STK3: variants seen among roughly 807,000 people sequenced by gnomAD.
The protein encoded by STK3 is serine/threonine-protein kinase 3.
STK3 carries 41 observed loss-of-function variants against 58.0 expected under a neutral mutation model. The ratio of observed to expected loss-of-function variants is 0.71; its 90% confidence interval spans 0.55 to 0.92. STK3 has a LOEUF of 0.92. Ranked by LOEUF, STK3 falls within the 40% of genes least tolerant of loss-of-function variation. The pLI is 0.00. For synonymous variants in STK3, 170 were observed against 191.0 expected (o/e 0.89, Z 0.91); for missense variants, 479 against 602.7 (o/e 0.79, Z 2.15).
chr8:98,614,569 T>A (rs1817500774), intron 6 of STK3, among the ~76,000 whole-genome samples: 2 of 151,252 alleles, frequency 1.3e-5, no homozygotes, highest in African/African-American at 4.9e-5. Context: ...CACTAGGGAG[T>A]GCCAGACAGT....
intron 8 of STK3, among the ~76,000 whole-genome samples, chr8:98,560,836 C>A (rs377639141): frequency 6.6e-6 from 1 of 151,914 alleles, no homozygotes; most frequent in Admixed American, 6.6e-5. Flanking sequence ...AGTTTGAGAC[C>A]GGCCTGGGCA....
intron 4 of STK3, among the ~76,000 whole-genome samples, chr8:98,745,954 A>G (rs1021013783): frequency 6.6e-6 from 1 of 152,250 alleles, no homozygotes; most frequent in African/African-American, 2.4e-5. Flanking sequence ...GTTACCGTAC[A>G]GAATGCTGTA....
At chr8:98,409,541 C>T (rs1007010491) in intron 3 of STK3, among the ~76,000 whole-genome samples, 10 of 152,248 alleles carry the variant, frequency 6.6e-5, no homozygotes. Context: ...GCTCAGAGTT[C>T]CACAGATGGG....
intron 1 of STK3, among the ~76,000 whole-genome samples, chr8:98,911,681 A>C (rs1412173042): frequency 6.6e-6 from 1 of 152,100 alleles, no homozygotes; most frequent in East Asian, 1.9e-4. Flanking sequence ...ATGAGCCACC[A>C]TGTCCACCCC....
intron 6 of STK3, among the ~76,000 whole-genome samples, chr8:98,648,635 G>A (rs919228509): frequency 3.3e-5 from 5 of 152,162 alleles, no homozygotes; most frequent in Admixed American, 3.3e-4. Context: ...GCTCAAGCCT[G>A]TAATCCCTGT....
At chr8:98,576,891 A>G (rs959205540) in intron 8 of STK3, among the ~76,000 whole-genome samples, 1 of 152,172 alleles carries the variant, frequency 6.6e-6, no homozygotes, top group African/African-American at 2.4e-5. Context: ...AATGAAAACT[A>G]CAATTTTTTT....
intron 6 of STK3, among the ~76,000 whole-genome samples, chr8:98,683,841 C>T (rs1823798106): frequency 6.6e-6 from 1 of 152,190 alleles, no homozygotes; most frequent in Non-Finnish European, 1.5e-5. Flanking sequence ...AAACACTACC[C>T]TAAATACACA....
At chr8:98,902,795 A>G (rs1023658764) in intron 1 of STK3, among the ~76,000 whole-genome samples, 1 of 152,256 alleles carries the variant, frequency 6.6e-6, no homozygotes, top group Non-Finnish European at 1.5e-5. Flanking sequence ...TGCAGAGATT[A>G]TCATGCATTA....
chr8:98,544,541 G>A (rs1810538969), intron 9 of STK3, among the ~76,000 whole-genome samples: 1 of 152,016 alleles, frequency 6.6e-6, no homozygotes, highest in African/African-American at 2.4e-5. Flanking sequence ...TCTGTGAAAT[G>A]AGAAGCAGGG....
intron 8 of STK3, among the ~76,000 whole-genome samples, chr8:98,555,971 G>C (rs13252978): frequency 0.039 from 5,905 of 152,122 alleles, 162 homozygotes; most frequent in Middle Eastern, 0.11. Flanking sequence ...TTCCAAAGTA[G>C]AAATGAAACC....
chr8:98,529,111 T>G (rs1825956469), intron 9 of STK3, among the ~76,000 whole-genome samples: 1 of 152,210 alleles, frequency 6.6e-6, no homozygotes, highest in Non-Finnish European at 1.5e-5. Flanking sequence ...GTTACTACTA[T>G]GACAACTAAG....
chr8:98,574,975 A>T lies in STK3; in HGVS notation c.948+4689T>A, dbSNP rs570046169. On this transcript the variant is annotated intron_variant, in intron 8 of 10. Transcript: ENST00000419617. Reference sequence around the variant, plus strand: ...TTTTTAAACAGAACTACCCATAATGATATAATTTTATGCCTGACCCACCAT... The same window carrying T: ...TTTTTAAACAGAACTACCCATAATGTTATAATTTTATGCCTGACCCACCAT... 7.2e-4 allele frequency among the ~76,000 whole-genome samples: 109 copies of T among 152,118 alleles called. 1 individual carries two copies. Among genetic ancestry groups the T allele is most frequent in the African/African-American group, 2.6e-3 (108 of 41,484 alleles).
intron 4 of STK3, among the ~76,000 whole-genome samples, chr8:98,747,087 AC>A (rs1222548556): frequency 2.1e-5 from 3 of 141,666 alleles, no homozygotes; most frequent in Non-Finnish European, 4.6e-5. Context: ...CAACATTTTC[AC>A]CAAAAAAAAA....
rs80029927 is a variant in STK3 at position 98,481,875 on chromosome 8, G to T, written c.1318-25875C>A. Reference sequence around the variant, plus strand: ...GGATAGAATGATGTTTTGATAATCAGACTTCTCCTTTACTTGTCACTTAGT... The same window carrying T: ...GGATAGAATGATGTTTTGATAATCATACTTCTCCTTTACTTGTCACTTAGT... On this transcript the variant is annotated intron_variant, in intron 10 of 10. Transcript: ENST00000419617. Among the ~76,000 whole-genome samples the T allele has an allele frequency of 1.9e-4, 29 of 152,222 alleles. No homozygotes were observed. In the East Asian group the frequency reaches 5.0e-3, roughly 26 times the overall value.
intron 1 of STK3, among the ~76,000 whole-genome samples, chr8:98,815,096 G>C (rs550341627): frequency 6.6e-6 from 1 of 152,342 alleles, no homozygotes; most frequent in Non-Finnish European, 1.5e-5. Context: ...AAAAAAGTAA[G>C]ACTGGGTATT....
intron 2 of STK3, among the ~76,000 whole-genome samples, chr8:98,772,260 T>C (rs901752361): frequency 4.6e-5 from 7 of 152,242 alleles, no homozygotes; most frequent in African/African-American, 1.7e-4. Context: ...TTTGCATATT[T>C]GTCTTCTCCA....
chr8:98,396,742 G>T (rs1244686973), downstream of STK3, among the ~76,000 whole-genome samples: 11 of 152,250 alleles, frequency 7.2e-5, no homozygotes, highest in Admixed American at 7.2e-4. Context: ...GAGAGATGCA[G>T]TGAGAACATC....
At chr8:98,831,159 A>T (rs1340238200) in intron 3 of STK3, among the ~76,000 whole-genome samples, 1 of 152,190 alleles carries the variant, frequency 6.6e-6, no homozygotes, top group African/African-American at 2.4e-5. Flanking sequence ...TGAATAACAA[A>T]AAGCATACGT....
chr8:98,809,865 G>A (rs1462222974), intron 1 of STK3, among the ~76,000 whole-genome samples: 2 of 152,214 alleles, frequency 1.3e-5, no homozygotes, highest in African/African-American at 2.4e-5. Context: ...CCGTTCTGGC[G>A]CTGCTATAAA....
Sources: allele counts gnomAD v4.1 joint callset (sites outside exome capture counted in the v4.1 genomes callset), GRCh38; gene constraint gnomAD v4.1.1; transcripts MANE v1.5; gene names NCBI Gene and HGNC (gene_info 2026-07-23, HGNC 2026-07-21).